The following SLC18A2 variants were observed in gnomAD, a reference collection of about 807,000 sequenced individuals.
SLC18A2 encodes the protein synaptic vesicular amine transporter.
Under a neutral mutation model 59.2 loss-of-function variants are expected in SLC18A2, and 33 were observed. The observed-to-expected ratio is 0.56, with a 90% CI of 0.42 to 0.75. The LOEUF is 0.75. Among genes scored for constraint, SLC18A2 ranks in the 30% least tolerant of loss-of-function variants. The pLI, the probability that SLC18A2 is intolerant of heterozygous loss-of-function variation, is 0.00. For synonymous variants in SLC18A2, 228 were observed against 253.5 expected, an observed-to-expected ratio of 0.90 and a Z score of 0.95; for missense variants, 569 against 668.6, an observed-to-expected ratio of 0.85 and a Z score of 1.64.
At chr10:117,273,508 C>T (rs901039809) in intron 15 of SLC18A2, among the ~76,000 whole-genome samples, 1 of 152,162 alleles carries the variant, frequency 6.6e-6, no homozygotes, top group African/African-American at 2.4e-5. Context: ...TCCTGGATGG[C>T]TCTGATAGTT....
Position 117,254,507 on chromosome 10 carries a change from G to T in SLC18A2, c.700+10G>T, listed in dbSNP as rs757073157. ...GCCATGGGGGTCTTAGGTGGGTAAG[G>T]CCCCCGTGTAGGCAAACTGGCAAGA... On this transcript the variant is annotated intron_variant, in intron 6 of 15. Transcript: ENST00000644641. 1.9e-6 allele frequency: 3 copies of T among 1,585,428 alleles called. No individual in the cohort carries two copies. Among genetic ancestry groups the T allele is most frequent in the Non-Finnish European group, 2.6e-6 (3 of 1,165,332 alleles).
rs138716556 is a variant in SLC18A2, at chr10:117,246,071, G to A, written c.464+1758G>A. 7.2e-5 allele frequency among the ~76,000 whole-genome samples: 11 copies of A among 152,296 alleles called. No homozygotes were observed. The East Asian group carries it at 2.1e-3, about 29-fold the overall frequency. ...AACCAAACCGACCTCAGTAGTTGCA[G>A]GATTGTTTTCTTTCCTTTTTTCAAG... On this transcript the variant is annotated intron_variant, in intron 3 of 15. Coordinates refer to ENST00000644641, the MANE Select transcript of SLC18A2 (RefSeq NM_003054.6).
intron 3 of SLC18A2, among the ~76,000 whole-genome samples, chr10:117,245,761 AG>A (rs1314361401): frequency 6.6e-6 from 1 of 151,750 alleles, no homozygotes; most frequent in African/African-American, 2.4e-5. Flanking sequence ...GGGCTCAAGG[AG>A]GGGATGGCAG....
At chr10:117,242,460 T>A (rs1844066546) in intron 2 of SLC18A2, among the ~76,000 whole-genome samples, 1 of 152,162 alleles carries the variant, frequency 6.6e-6, no homozygotes. Context: ...TCCCAGTTTT[T>A]AATGAATGAA....
At chr10:117,253,557 G>T in intron 4 of SLC18A2, 100 bp downstream of exon 4, 1 of 343,622 alleles carries the variant, frequency 2.9e-6, no homozygotes, top group East Asian at 8.4e-5. Flanking sequence ...GACGGCGGGG[G>T]GGCGGGGGGG....
chr10:117,266,707 A>T, intron 10 of SLC18A2, 26 bp from the exon 11 acceptor site: 1 of 1,539,338 alleles, frequency 6.5e-7, no homozygotes, highest in Non-Finnish European at 9.0e-7. Flanking sequence ...CAGCACTGAT[A>T]AGGTCTCCTT....
At chr10:117,256,839 G>A (rs1244882064) in intron 9 of SLC18A2, among the ~76,000 whole-genome samples, 16 of 152,334 alleles carry the variant, frequency 1.1e-4, no homozygotes, top group South Asian at 4.1e-4. Context: ...CCTCGGGCAC[G>A]TCTGAGCAGG....
In SLC18A2 at chr10:117,270,450, A is replaced by C; in HGVS notation, c.1427A>C (p.Lys476Thr). 1 of 1,613,692 alleles carries C rather than the reference A, an allele frequency of 6.2e-7. No homozygotes were observed. The highest frequency in any genetic ancestry group is 8.5e-7 in the Non-Finnish European group (1 of 1,179,944). Residue 476 changes from lysine (K) to threonine (T), a missense_variant, in exon 15 of 16, where the codon AAA becomes ACA. By Grantham distance (78) the Lys-to-Thr change is moderately conservative. This residue lies in a region of SLC18A2 where 192 missense variants were observed against 278.8 expected (regional missense o/e 0.69). Transcript: ENST00000644641. Reference sequence around the variant, plus strand: ...TTTTTTCTTCGAAGTCCACCTGCCAAAGAAGAAAAAATGGTAAGAAAAATT... The same window carrying C: ...TTTTTTCTTCGAAGTCCACCTGCCACAGAAGAAAAAATGGTAAGAAAAATT... ...LCFFLRSPPAKEEKMAILMDH... is the reference protein window; with the variant it reads ...LCFFLRSPPATEEKMAILMDH...
chr10:117,247,874 CCA>C lies in SLC18A2; in HGVS notation c.464+3565_464+3566del, dbSNP rs1414298241. Among the ~76,000 whole-genome samples, 11 of 152,300 alleles carry C rather than the reference CCA, an allele frequency of 7.2e-5. No homozygotes were observed. The East Asian group carries it at 2.1e-3, about 29-fold the overall frequency. On this transcript the variant is annotated intron_variant, in intron 3 of 15. Coordinates refer to ENST00000644641, the MANE Select transcript of SLC18A2 (RefSeq NM_003054.6). The stretch of plus-strand genomic sequence containing the variant: ...CCACTCTGAATCGAGACATTCTACA[CCA>C]CACCACACCATAACTGGAATCCTCT...
intron 3 of SLC18A2, among the ~76,000 whole-genome samples, chr10:117,244,679 C>G (rs1270088365): frequency 6.6e-6 from 1 of 152,210 alleles, no homozygotes; most frequent in Admixed American, 6.5e-5. Flanking sequence ...ATTTTATGAG[C>G]CATGTGGCCT....
rs1179586072 is a variant in SLC18A2, at chr10:117,269,033, CACAT to C, written c.1187-1034_1187-1031del. 2.0e-5 allele frequency among the ~76,000 whole-genome samples: 3 copies of C among 148,818 alleles called. No homozygotes were observed. The highest frequency in any genetic ancestry group is 3.0e-5 in the Non-Finnish European group (2 of 66,998). ...ACACACTGACACACGCATACACACA[CACAT>C]ACACACATACACCCCCCACATAAAC... is the stretch of plus-strand genomic sequence containing the variant. On this transcript the variant is annotated intron_variant, in intron 13 of 15. Transcript: ENST00000644641. This position sits in a 1 kb window ranked among gnomAD's most constrained non-coding sequence, Gnocchi z 5.1.
chr10:117,273,355 T>C (rs1844448389), intron 15 of SLC18A2, among the ~76,000 whole-genome samples: 3 of 152,338 alleles, frequency 2.0e-5, no homozygotes, highest in African/African-American at 7.2e-5. Context: ...AATTCCCAGT[T>C]GAGAAGAGCT....
rs753743999 is a variant in SLC18A2 at position 117,255,381 on chromosome 10, G to T, written c.790+15G>T. Reference sequence around the variant, plus strand: ...CTTGGATGGAGGTGAGTGAGTCCACGTGGGCGCCATGCCATGACCTTGGCA... The same window carrying T: ...CTTGGATGGAGGTGAGTGAGTCCACTTGGGCGCCATGCCATGACCTTGGCA... On this transcript the variant is annotated intron_variant, in intron 7 of 15. Coordinates refer to ENST00000644641, the MANE Select transcript of SLC18A2 (RefSeq NM_003054.6). 1.9e-6 allele frequency: 3 copies of T among 1,614,116 alleles called. No individual in the cohort carries two copies. The Admixed American group carries it at 5.0e-5, about 27-fold the overall frequency.
rs750061880 is a variant in SLC18A2 at position 117,244,284 on chromosome 10, C to T, written c.435C>T (p.Thr145=). 3.7e-6 allele frequency: 6 copies of T among 1,614,100 alleles called. No individual in the cohort carries two copies. The highest frequency in any genetic ancestry group is 1.1e-5 in the South Asian group (1 of 91,084). Residue 145 remains threonine (T), a synonymous_variant, in exon 3 of 16, where the codon ACC becomes ACT. Transcript: ENST00000644641. ...FASKATVQLI[T]NPFIGLLTNR... ...CGAAAGCCACCGTCCAGCTCATCAC[C>T]AACCCTTTCATAGGACTACTGACCA... is the stretch of plus-strand genomic sequence containing the variant.
chr10:117,251,638 T>G (rs1402012571), intron 3 of SLC18A2, among the ~76,000 whole-genome samples: 1 of 152,208 alleles, frequency 6.6e-6, no homozygotes, highest in Non-Finnish European at 1.5e-5. Context: ...GTATTTGGTT[T>G]CTGGATACAG....
intron 10 of SLC18A2, among the ~76,000 whole-genome samples, chr10:117,266,290 TTATC>T (rs1483633039): frequency 1.3e-5 from 2 of 152,164 alleles, no homozygotes; most frequent in South Asian, 2.1e-4. Context: ...ACTGTGGTGA[TTATC>T]TGAGTAATGG....
intron 4 of SLC18A2, among the ~76,000 whole-genome samples, 162 bp from the exon 5 acceptor site, chr10:117,253,886 C>T (rs1844193814): frequency 6.6e-6 from 1 of 152,200 alleles, no homozygotes; most frequent in South Asian, 2.1e-4. Context: ...GTATTGGCAA[C>T]AATTGCAGAA....
intron 13 of SLC18A2, among the ~76,000 whole-genome samples, chr10:117,268,989 TACACACAAACAC>T (rs78513088): frequency 6.6e-6 from 1 of 150,766 alleles, no homozygotes; most frequent in Non-Finnish European, 1.5e-5. Flanking sequence ...CACACATTCA[TACACACAAACAC>T]ACATACACAC....
chr10:117,244,327 C>G lies in SLC18A2; in HGVS notation c.464+14C>G, dbSNP rs1042787482. On this transcript the variant is annotated intron_variant, in intron 3 of 15. Transcript: ENST00000644641. The stretch of plus-strand genomic sequence containing the variant: ...ACTGACCAACAGGTAGGGCAGACTA[C>G]TTTAGTCAAAGAGTTTGATATTTGT... 1 of 1,600,250 alleles carries G rather than the reference C, an allele frequency of 6.2e-7. No homozygotes were observed. The highest frequency in any genetic ancestry group is 1.3e-5 in the African/African-American group (1 of 74,294).
Sources: gnomAD v4.1 joint callset for allele counts (sites outside exome capture counted in the v4.1 genomes callset) on GRCh38, gnomAD v4.1.1 for gene constraint, gnomAD v4.1.1 regional missense constraint, Gnocchi (gnomAD v3.1) non-coding constraint, MANE v1.5 for transcripts, NCBI Gene and HGNC (gene_info 2026-07-23, HGNC 2026-07-21) for gene names.